HTATSF1: variants seen among roughly 807,000 people sequenced by gnomAD.
HTATSF1 encodes the protein 17S U2 SnRNP complex component HTATSF1.
In HTATSF1, 6 loss-of-function variants were observed where a neutral mutation model predicts 46.1. The observed-to-expected ratio is 0.13, with a 90% confidence interval of 0.07 to 0.26. HTATSF1 has a LOEUF of 0.26. HTATSF1 is among the 10% of genes least tolerant of loss of function. The probability of loss-of-function intolerance (pLI) is 1.00; values close to 1 mark genes in which losing one functional copy is unlikely to be tolerated. For missense variants in HTATSF1, 452 were observed against 559.9 expected, an observed-to-expected ratio of 0.81 and a Z score of 1.94; for synonymous variants, 226 against 211.5, an observed-to-expected ratio of 1.07 and a Z score of -0.60.
chrX:136,508,076 T>C (rs1238081513), intron 6 of HTATSF1, among the ~76,000 whole-genome samples: 1 of 112,421 alleles, frequency 8.9e-6, no homozygotes, highest in Non-Finnish European at 1.9e-5. Flanking sequence ...TTTATATTTT[T>C]TATTTTAAAT....
In HTATSF1 at chrX:136,511,528, A is replaced by G; in HGVS notation, c.1783A>G (p.Asn595Asp). The G allele has an allele frequency of 1.7e-6, 2 of 1,210,768 alleles. No individual in the cohort carries two copies. The highest frequency in any genetic ancestry group is 2.2e-6 in the Non-Finnish European group (2 of 895,167). Residue 595 changes from asparagine (N) to aspartate (D), a missense_variant, in exon 9 of 9, where the codon AAT (asparagine) becomes GAT (aspartate). By Grantham distance (23) the Asn-to-Asp change is conservative (BLOSUM62 1). This residue lies in a region of HTATSF1 where 246 missense variants were observed against 245.3 expected (regional missense o/e 1.00). Transcript: ENST00000218364. ...TGTTCTTGACAAAGAGTTAGAAGAAAATGACTCTGAAAACTCCGAATTTGA... is the reference window on the plus strand; with the variant it reads ...TGTTCTTGACAAAGAGTTAGAAGAAGATGACTCTGAAAACTCCGAATTTGA... ...ENVLDKELEE[N>D]DSENSEFEDD...
In HTATSF1 at chrX:136,500,736, C is replaced by T; in HGVS notation, c.488C>T (p.Pro163Leu). 1 of 1,133,547 alleles carries T rather than the reference C, an allele frequency of 8.8e-7. No individual in the cohort carries two copies. Among genetic ancestry groups the T allele is most frequent in the Admixed American group, 2.7e-5 (1 of 36,919 alleles). The allele number at this position is 1,133,547 out of a possible 1,213,427, so 93.4% of individuals were successfully genotyped here. ...MSKFGIIMRD[P>L]QTEEFKVKLY... ...AAGTTTGGCATTATTATGAGAGATC[C>T]TCAGACAGAAGAATTTAAGGTCAAA... Residue 163 changes from proline to leucine, a missense_variant, in exon 4 of 9, where the codon CCT (proline) becomes CTT (leucine). Coordinates refer to ENST00000218364, the MANE Select transcript of HTATSF1 (RefSeq NM_014500.5).
Position 136,512,078 on chromosome X carries a change from C to G in HTATSF1, c.*65C>G. 2.8e-6 allele frequency: 3 copies of G among 1,076,055 alleles called. No homozygotes were observed. Among genetic ancestry groups the G allele is most frequent in the Non-Finnish European group, 3.7e-6 (3 of 801,622 alleles). The allele number at this position is 1,076,055 out of a possible 1,213,427, so 88.7% of individuals were successfully genotyped here. ...ATTTGCCTGTGCTTCAGGGTAATTACTAGTAGTGTTACATGAACATGTGCA... is the reference window on the plus strand; with the variant it reads ...ATTTGCCTGTGCTTCAGGGTAATTAGTAGTAGTGTTACATGAACATGTGCA... On this transcript the variant is annotated 3_prime_UTR_variant, in exon 9 of 9. Coordinates refer to ENST00000218364, the MANE Select transcript of HTATSF1 (RefSeq NM_014500.5).
chrX:136,508,806 G>GGA (rs1448667287), intron 6 of HTATSF1, among the ~76,000 whole-genome samples: 1 of 112,474 alleles, frequency 8.9e-6, no homozygotes, highest in East Asian at 2.8e-4. Flanking sequence ...TGCGCCACAG[G>GGA]ACTTCCACCA....
Position 136,502,761 on chromosome X carries a change from G to T in HTATSF1, c.571-17G>T, listed in dbSNP as rs2075724336. 2 of 1,075,328 alleles carry T rather than the reference G, an allele frequency of 1.9e-6. No individual in the cohort carries two copies. The highest frequency in any genetic ancestry group is 2.5e-6 in the Non-Finnish European group (2 of 811,252). 88.6% of individuals were successfully genotyped at this position (1,075,328 alleles called of 1,213,427 possible). ...TTCGTTGTATAACTGACTATATTTTGTCTTACATTTATAAAGAGAGAATCT... is the reference window on the plus strand; with the variant it reads ...TTCGTTGTATAACTGACTATATTTTTTCTTACATTTATAAAGAGAGAATCT... On this transcript the variant is annotated splice_polypyrimidine_tract_variant and intron_variant, in intron 4 of 8. Transcript: ENST00000218364.
chrX:136,508,765 A>G lies in HTATSF1; in HGVS notation c.835-326A>G, dbSNP rs756769332. Among the ~76,000 whole-genome samples the G allele has an allele frequency of 7.1e-5, 8 of 112,615 alleles. No individual in the cohort carries two copies. In the South Asian group the frequency reaches 2.9e-3, roughly 41 times the overall value. On this transcript the variant is annotated intron_variant, in intron 6 of 8. Transcript: ENST00000218364. Reference sequence around the variant, plus strand: ...ATCAGTGTGATGTTGATGCCCATGCAGAGCATAGGAATTAGCAGTCTGACT... The same window carrying G: ...ATCAGTGTGATGTTGATGCCCATGCGGAGCATAGGAATTAGCAGTCTGACT...
At position 136,497,732 on chromosome X, in the gene HTATSF1, G is replaced by A; in HGVS notation, c.48G>A (p.Leu16=). ...GGAACGATGAGTTTGATGAGCAGTT[G>A]CGAATGCAAGAATTGTACGGAGACG... is the stretch of plus-strand genomic sequence containing the variant. ...LDGNDEFDEQ[L]RMQELYGDGK... The change falls in exon 1 of 9, where the codon TTG becomes TTA. Residue 16 remains leucine (L), a synonymous_variant. Transcript: ENST00000218364. 4 of 1,206,277 alleles carry A rather than the reference G, an allele frequency of 3.3e-6. No homozygotes were observed. The highest frequency in any genetic ancestry group is 4.5e-6 in the Non-Finnish European group (4 of 891,071).
At chrX:136,503,725 C>T (rs1208409230) in intron 5 of HTATSF1, among the ~76,000 whole-genome samples, 1 of 111,782 alleles carries the variant, frequency 8.9e-6, no homozygotes, top group Non-Finnish European at 1.9e-5. Context: ...CAAGGTATAT[C>T]TTTCTGAACT....
intron 6 of HTATSF1, among the ~76,000 whole-genome samples, chrX:136,505,257 A>G (rs2075736688): frequency 8.9e-6 from 1 of 112,209 alleles, no homozygotes; most frequent in Non-Finnish European, 1.9e-5. Context: ...CCAATAATCT[A>G]GTTGTAAATT....
intron 7 of HTATSF1, among the ~76,000 whole-genome samples, chrX:136,509,396 C>T (rs2075757263): frequency 8.9e-6 from 1 of 111,916 alleles, no homozygotes; most frequent in African/African-American, 3.3e-5. Flanking sequence ...TTTCCGTCTT[C>T]ATTACCCTAG....
At position 136,511,761 on chromosome X, in the gene HTATSF1, G is replaced by A. The variant is rs141553099; in HGVS notation, c.2016G>A (p.Leu672=). Residue 672 remains leucine (L), a synonymous_variant, in exon 9 of 9, where the codon CTG becomes CTA. Transcript: ENST00000218364. ...KAEEGDADEK[L]FEESDDKEDE... ...AAGAAGGTGATGCAGATGAAAAGCT[G>A]TTTGAAGAGTCAGATGACAAGGAAG... is the stretch of plus-strand genomic sequence containing the variant. 16 of 1,210,335 alleles carry A rather than the reference G, an allele frequency of 1.3e-5. No homozygotes were observed. Among genetic ancestry groups the A allele is most frequent in the Non-Finnish European group, 1.8e-5 (16 of 895,322 alleles).
intron 1 of HTATSF1, 119 bp from the exon 2 acceptor site, chrX:136,499,479 C>A: frequency 2.0e-6 from 1 of 506,868 alleles, no homozygotes; most frequent in Non-Finnish European, 3.1e-6. Context: ...CAACTATTAT[C>A]CACAGAAACA....
chrX:136,509,349 A>G (rs1173941356), intron 7 of HTATSF1, among the ~76,000 whole-genome samples, 169 bp downstream of exon 7: 1 of 112,248 alleles, frequency 8.9e-6, no homozygotes, highest in Non-Finnish European at 1.9e-5. Context: ...GTGGATTACA[A>G]GCCAAGGATT....
At chrX:136,501,665 C>G (rs894420240) in intron 4 of HTATSF1, among the ~76,000 whole-genome samples, 1 of 111,989 alleles carries the variant, frequency 8.9e-6, no homozygotes, top group African/African-American at 3.3e-5. Context: ...AATGGTAAAG[C>G]AAAAGTACAA....
intron 6 of HTATSF1, 102 bp downstream of exon 6, chrX:136,504,565 C>T (rs1429961801): frequency 2.1e-5 from 11 of 531,572 alleles, no homozygotes; most frequent in African/African-American, 1.4e-4. Flanking sequence ...TCACCTCCTA[C>T]GTGTTTGTGC....
chrX:136,509,760 G>GAGCCAGGAT (rs764598755), intron 7 of HTATSF1, among the ~76,000 whole-genome samples: 82 of 112,249 alleles, frequency 7.3e-4, no homozygotes, highest in African/African-American at 2.6e-3. Flanking sequence ...GTAACTGACA[G>GAGCCAGGAT]AGCCAGGATT....
intron 1 of HTATSF1, among the ~76,000 whole-genome samples, chrX:136,499,024 G>A (rs767733276): frequency 1.2e-4 from 13 of 113,004 alleles, no homozygotes; most frequent in African/African-American, 4.2e-4. Context: ...AAAATATAAC[G>A]TCATTTAATT....
intron 4 of HTATSF1, 59 bp downstream of exon 4, chrX:136,500,877 C>G: frequency 1.3e-6 from 1 of 787,037 alleles, no homozygotes; most frequent in Non-Finnish European, 1.8e-6. Flanking sequence ...GGAACCAGGG[C>G]TATAATTTCT....
chrX:136,505,956 A>G (rs937041817), intron 6 of HTATSF1, among the ~76,000 whole-genome samples: 6 of 112,179 alleles, frequency 5.3e-5, no homozygotes, highest in Non-Finnish European at 9.4e-5. Flanking sequence ...TTATTAGGTG[A>G]CATATTTATT....
Sources: gnomAD v4.1 joint callset for allele counts (sites outside exome capture counted in the v4.1 genomes callset) on GRCh38, gnomAD v4.1.1 for gene constraint, gnomAD v4.1.1 regional missense constraint, MANE v1.5 for transcripts, NCBI Gene and HGNC (gene_info 2026-07-23, HGNC 2026-07-21) for gene names.